TPO: variants seen among roughly 807,000 people sequenced by gnomAD.
TPO encodes thyroid microsomal antigen.
Under a neutral mutation model 96.9 loss-of-function variants are expected in TPO, and 78 were observed. That is an observed-to-expected ratio of 0.81 (90% confidence interval 0.67 to 0.97). TPO has a LOEUF of 0.97. TPO is among the 50% of genes least tolerant of loss of function. The pLI is 0.00. For missense variants in TPO, 1,252 were observed against 1,274.8 expected (o/e 0.98, Z 0.27); for synonymous variants, 547 against 538.0 (o/e 1.02, Z -0.23).
At chr2:1,520,861 C>T (rs1015629047) in intron 15 of TPO, among the ~76,000 whole-genome samples, 2 of 152,170 alleles carry the variant, frequency 1.3e-5, no homozygotes, top group African/African-American at 2.4e-5. Context: ...TCTTCAGATC[C>T]GGCTTTCTTA....
intron 8 of TPO, chr2:1,477,912 C>A: frequency 1.0e-6 from 1 of 985,392 alleles, no homozygotes; most frequent in African/African-American, 1.7e-5. Context: ...ATTATCCCAC[C>A]AAGACCCAAC....
chr2:1,466,359 G>C (rs551406595), intron 7 of TPO, among the ~76,000 whole-genome samples: 1 of 152,110 alleles, frequency 6.6e-6, no homozygotes, highest in South Asian at 2.1e-4. Flanking sequence ...TTCTTTTTTG[G>C]TTATGTCCTC....
At chr2:1,442,596 T>C (rs933419751) in intron 5 of TPO, among the ~76,000 whole-genome samples, 2 of 152,236 alleles carry the variant, frequency 1.3e-5, no homozygotes, top group Non-Finnish European at 2.9e-5. Flanking sequence ...CTTCTCTGTG[T>C]GTTCTTGAGA....
intron 8 of TPO, 45 bp downstream of exon 8, chr2:1,477,649 CG>C: frequency 3.5e-6 from 5 of 1,441,658 alleles, no homozygotes; most frequent in African/African-American, 1.5e-5. Context: ...GCGGGCAAAG[CG>C]GGGGGCGCCT....
chr2:1,410,512 A>G (rs1662317111), upstream of TPO, among the ~76,000 whole-genome samples: 1 of 152,218 alleles, frequency 6.6e-6, no homozygotes, highest in Non-Finnish European at 1.5e-5. Context: ...CGATGTCTGC[A>G]GGGAGAAAGG....
At chr2:1,525,989 C>T (rs1676379510) in intron 15 of TPO, among the ~76,000 whole-genome samples, 2 of 137,572 alleles carry the variant, frequency 1.5e-5, no homozygotes, top group African/African-American at 2.8e-5. Context: ...TGTGAGCAAC[C>T]TCCCCAAATC....
intron 15 of TPO, among the ~76,000 whole-genome samples, chr2:1,521,892 G>T (rs565119059): frequency 6.6e-6 from 1 of 151,962 alleles, no homozygotes; most frequent in Non-Finnish European, 1.5e-5. Flanking sequence ...CAGTCCCCCC[G>T]TGGGTTCAGC....
intron 1 of TPO, among the ~76,000 whole-genome samples, chr2:1,395,592 G>A (rs551905124): frequency 1.8e-4 from 28 of 152,194 alleles, no homozygotes; most frequent in South Asian, 2.1e-4. Flanking sequence ...TTTGAGTGTC[G>A]TTAATGAGTG....
At chr2:1,515,586 C>T (rs376690244) in intron 14 of TPO, among the ~76,000 whole-genome samples, 21 of 152,136 alleles carry the variant, frequency 1.4e-4, no homozygotes, top group South Asian at 4.1e-4. Flanking sequence ...AAGACAGCCA[C>T]GGACACCACC....
intron 14 of TPO, among the ~76,000 whole-genome samples, chr2:1,512,100 C>T (rs150449989): frequency 3.7e-4 from 56 of 151,994 alleles, no homozygotes; most frequent in African/African-American, 1.3e-3. Context: ...GTGGCGCGAT[C>T]TCAGCCCACT....
chr2:1,460,992 T>G (rs1224589213), intron 7 of TPO, among the ~76,000 whole-genome samples: 2 of 152,188 alleles, frequency 1.3e-5, no homozygotes, highest in East Asian at 3.9e-4. Context: ...AAGGAGGGAT[T>G]GTTCTTGCAA....
intron 15 of TPO, among the ~76,000 whole-genome samples, chr2:1,526,235 C>G (rs1309605769): frequency 3.6e-5 from 3 of 82,520 alleles, no homozygotes; most frequent in Non-Finnish European, 7.0e-5. Flanking sequence ...ATGTGTGCAA[C>G]ACCCCCAAGT....
At chr2:1,471,147 C>T (rs1573323074) in intron 7 of TPO, among the ~76,000 whole-genome samples, 1 of 152,254 alleles carries the variant, frequency 6.6e-6, no homozygotes, top group East Asian at 1.9e-4. Flanking sequence ...TCAGGATTAC[C>T]TTGTCTAAAA....
In TPO at chr2:1,516,245, T is replaced by C. The variant is rs372498954; in HGVS notation, c.2519-638T>C. Among the ~76,000 whole-genome samples the C allele has an allele frequency of 5.3e-4, 80 of 152,298 alleles. 1 individual carries two copies. The highest frequency in any genetic ancestry group is 1.9e-3 in the African/African-American group (79 of 41,564). ...CTCCTCTGTCCCATCAGGCCTGCAC[T>C]TCTCTGTCTGATTCCCACCAACCTT... On this transcript the variant is annotated intron_variant, in intron 14 of 16. Coordinates refer to ENST00000329066, the MANE Select transcript of TPO (RefSeq NM_001206744.2).
chr2:1,515,173 C>A (rs1351529093), intron 14 of TPO, among the ~76,000 whole-genome samples: 1 of 152,234 alleles, frequency 6.6e-6, no homozygotes. Flanking sequence ...GCTCAGCCTT[C>A]CCCGCACCCC....
At chr2:1,382,775 C>T (rs1267237169) in intron 1 of TPO, among the ~76,000 whole-genome samples, 5 of 151,872 alleles carry the variant, frequency 3.3e-5, no homozygotes, top group Non-Finnish European at 4.4e-5. Flanking sequence ...ATGTGCACAA[C>T]GTGCAGGTTT....
At chr2:1,377,270 C>T (rs890024793) in intron 1 of TPO, among the ~76,000 whole-genome samples, 3 of 152,134 alleles carry the variant, frequency 2.0e-5, no homozygotes, top group Non-Finnish European at 2.9e-5. Context: ...AGAAGAAAGT[C>T]GTATGCATTG....
chr2:1,537,449 T>TTCCACTCTGTGCAGCCTCCCCAAATG (rs1680025762), intron 15 of TPO, among the ~76,000 whole-genome samples: 5 of 31,290 alleles, frequency 1.6e-4, no homozygotes, highest in African/African-American at 3.8e-4. Flanking sequence ...CTCCCAAATC[T>TTCCACTCTGTGCAGCCTCCCCAAATG]CCCCACTGTG....
chr2:1,406,271 T>C (rs1002501982), intron 1 of TPO, among the ~76,000 whole-genome samples: 4 of 152,260 alleles, frequency 2.6e-5, no homozygotes, highest in Non-Finnish European at 5.9e-5. Flanking sequence ...TGTGTATAGA[T>C]GCTAGGGCCT....
Sources: gnomAD v4.1 joint callset for allele counts (sites outside exome capture counted in the v4.1 genomes callset) on GRCh38, gnomAD v4.1.1 for gene constraint, MANE v1.5 for transcripts, NCBI Gene and HGNC (gene_info 2026-07-23, HGNC 2026-07-21) for gene names.